LMBR1: variants seen among roughly 807,000 people sequenced by gnomAD.
LMBR1 encodes the protein limb region 1 protein homolog.
In LMBR1, 52 loss-of-function variants were observed where a neutral mutation model predicts 73.9. The observed-to-expected ratio is 0.70, with a 90% CI of 0.56 to 0.89. LMBR1 has a LOEUF of 0.89. LMBR1 is among the 40% of genes least tolerant of loss of function. The pLI, the probability that LMBR1 is intolerant of heterozygous loss-of-function variation, is 0.00. For synonymous variants in LMBR1, 215 were observed against 209.4 expected (o/e 1.03, Z -0.23); for missense variants, 539 against 579.8 (o/e 0.93, Z 0.72).
At chr7:156,756,951 G>T (rs1488961585) in intron 8 of LMBR1, among the ~76,000 whole-genome samples, 4 of 152,188 alleles carry the variant, frequency 2.6e-5, no homozygotes, top group Admixed American at 2.6e-4. Flanking sequence ...CTAGTAGCTG[G>T]AACTACAGGC....
In LMBR1 at chr7:156,728,011, C is replaced by T. The variant is rs765102049; in HGVS notation, c.916-4G>A. ...CCACCAAGAGGACCGAGATGGACTA[C>T]AAGACAAACAGCAAACTGTCAGCTC... On this transcript the variant is annotated splice_region_variant and splice_polypyrimidine_tract_variant and intron_variant, in intron 11 of 16. Coordinates refer to ENST00000353442, the MANE Select transcript of LMBR1 (RefSeq NM_022458.4). The T allele has an allele frequency of 3.7e-6, 6 of 1,609,118 alleles. No individual in the cohort carries two copies. In the Admixed American group the frequency reaches 5.0e-5, roughly 13 times the overall value.
chr7:156,863,247 C>T (rs185294884), intron 1 of LMBR1, among the ~76,000 whole-genome samples: 7 of 143,608 alleles, frequency 4.9e-5, no homozygotes, highest in East Asian at 3.9e-4. Context: ...AGTTTCAAAA[C>T]TGAAGAACTT....
At chr7:156,676,374 G>A (rs1304724345), downstream of LMBR1, 79 of 1,613,786 alleles carry the variant, frequency 4.9e-5, no homozygotes, top group Non-Finnish European at 6.5e-5. Context: ...TTTCTGCTGT[G>A]ATGAAACTAA....
At chr7:156,759,323 A>G (rs1822531856) in intron 8 of LMBR1, among the ~76,000 whole-genome samples, 1 of 152,248 alleles carries the variant, frequency 6.6e-6, no homozygotes, top group African/African-American at 2.4e-5. Context: ...AAGTCCACTC[A>G]GCAAACAAAT....
chr7:156,673,239 G>A (rs1044516017), downstream of LMBR1, among the ~76,000 whole-genome samples: 2 of 152,184 alleles, frequency 1.3e-5, no homozygotes, highest in South Asian at 4.1e-4. Flanking sequence ...TTTGAAGGAA[G>A]AAAAGATCTT....
Position 156,680,411 on chromosome 7 carries a change from T to TGC in LMBR1, c.*3666_*3667insGC, listed in dbSNP as rs1337816374. ...GAGAGAGAGAGAGAGAGAGTGTGTG[T>TGC]GTGTGTGTGTGTGTAATGGGTTATT... On this transcript the variant is annotated 3_prime_UTR_variant, in exon 17 of 17. Transcript: ENST00000353442. 14 of 129,898 alleles carry TGC rather than the reference T, an allele frequency of 1.1e-4. No homozygotes were observed. Among genetic ancestry groups the TGC allele is most frequent in the African/African-American group, 4.5e-4 (14 of 30,946 alleles). 8.0% of individuals were successfully genotyped at this position (129,898 alleles called of 1,614,324 possible).
At chr7:156,749,416 G>C (rs1015723088) in intron 9 of LMBR1, among the ~76,000 whole-genome samples, 1 of 152,108 alleles carries the variant, frequency 6.6e-6, no homozygotes, top group Non-Finnish European at 1.5e-5. Context: ...AACCATAAAT[G>C]CCACCCTAAA....
intron 9 of LMBR1, among the ~76,000 whole-genome samples, chr7:156,751,715 G>A (rs931282475): frequency 6.6e-6 from 1 of 152,182 alleles, no homozygotes; most frequent in Non-Finnish European, 1.5e-5. Flanking sequence ...ATCCATATGG[G>A]AATTAAGAGA....
At chr7:156,687,349 A>C (rs1806196644) in intron 16 of LMBR1, among the ~76,000 whole-genome samples, 1 of 152,160 alleles carries the variant, frequency 6.6e-6, no homozygotes, top group South Asian at 2.1e-4. Flanking sequence ...ACCCCAAACC[A>C]AGATAATTTA....
At chr7:156,694,132 T>C (rs1238282362) in intron 15 of LMBR1, among the ~76,000 whole-genome samples, 1 of 151,682 alleles carries the variant, frequency 6.6e-6, no homozygotes. Flanking sequence ...ACAAAACAGG[T>C]AAAGAAGGAA....
At chr7:156,730,271 C>T (rs1816597480) in intron 10 of LMBR1, among the ~76,000 whole-genome samples, 1 of 152,164 alleles carries the variant, frequency 6.6e-6, no homozygotes, top group Admixed American at 6.5e-5. Context: ...AGAAGAACAA[C>T]AGAAAGATGC....
intron 16 of LMBR1, among the ~76,000 whole-genome samples, chr7:156,686,182 C>T (rs1039384650): frequency 3.9e-5 from 6 of 152,170 alleles, no homozygotes; most frequent in East Asian, 1.9e-4. Context: ...TCTGAGTTCA[C>T]GCCTAAAACT....
chr7:156,742,139 CA>C (rs1819012040), intron 9 of LMBR1, among the ~76,000 whole-genome samples: 1 of 151,718 alleles, frequency 6.6e-6, no homozygotes, highest in African/African-American at 2.4e-5. Flanking sequence ...CAGGATGCAG[CA>C]AAAGCAGTAC....
chr7:156,857,139 T>C (rs1276661825), intron 1 of LMBR1, among the ~76,000 whole-genome samples: 1 of 150,592 alleles, frequency 6.6e-6, no homozygotes, highest in African/African-American at 2.4e-5. Flanking sequence ...TAGTTAAAAC[T>C]ATGGTAAATA....
At chr7:156,835,778 C>T (rs1181111383) in intron 2 of LMBR1, among the ~76,000 whole-genome samples, 6 of 152,056 alleles carry the variant, frequency 3.9e-5, no homozygotes, top group Admixed American at 3.9e-4. Context: ...CAGCACACTA[C>T]CAACTAGGTC....
At chr7:156,836,735 G>A in intron 2 of LMBR1, 78 bp downstream of exon 2, 1 of 895,548 alleles carries the variant, frequency 1.1e-6, no homozygotes, top group Non-Finnish European at 1.7e-6. Flanking sequence ...ACACTGAAGT[G>A]TACTAATATA....
intron 5 of LMBR1, among the ~76,000 whole-genome samples, chr7:156,769,230 G>C (rs1824720249): frequency 6.6e-6 from 1 of 152,176 alleles, no homozygotes; most frequent in Non-Finnish European, 1.5e-5. Flanking sequence ...TCAGGAAGCT[G>C]AGGCACCACT....
Position 156,681,884 on chromosome 7 carries a change from T to A in LMBR1, c.*2194A>T, listed in dbSNP as rs1252544360. The A allele has an allele frequency of 6.6e-6, 1 of 152,292 alleles. No homozygotes were observed. The highest frequency in any genetic ancestry group is 1.5e-5 in the Non-Finnish European group (1 of 68,092). 9.4% of individuals were successfully genotyped at this position (152,292 alleles called of 1,614,324 possible). On this transcript the variant is annotated 3_prime_UTR_variant, in exon 17 of 17. Transcript: ENST00000353442. ...TGGCATCCATTTCTGGAGTTCGTCA[T>A]ATAAAGCAGCCTCCGACCTAGCTCC...
intron 15 of LMBR1, among the ~76,000 whole-genome samples, chr7:156,700,960 T>C (rs1234249200): frequency 6.6e-6 from 1 of 152,194 alleles, no homozygotes; most frequent in Non-Finnish European, 1.5e-5. Flanking sequence ...AGGCACTTCT[T>C]ACATGGCAGC....
Sources: allele counts gnomAD v4.1 joint callset (sites outside exome capture counted in the v4.1 genomes callset), GRCh38; gene constraint gnomAD v4.1.1; transcripts MANE v1.5; gene names NCBI Gene and HGNC (gene_info 2026-07-23, HGNC 2026-07-21).